The following PRKCA variants were observed in gnomAD, a reference collection of about 807,000 sequenced individuals.
PRKCA encodes the protein protein kinase C alpha type.
PRKCA carries 27 observed loss-of-function variants against 87.0 expected under a neutral mutation model. The observed-to-expected ratio is 0.31, with a 90% CI of 0.23 to 0.43. The LOEUF (loss-of-function observed/expected upper bound fraction) is 0.43, where lower values mean the gene tolerates loss of function less well. PRKCA is among the 20% of genes least tolerant of loss of function. The pLI is 1.00. For missense variants in PRKCA, 518 were observed against 852.3 expected, an observed-to-expected ratio of 0.61 and a Z score of 4.88; for synonymous variants, 329 against 311.1, an observed-to-expected ratio of 1.06 and a Z score of -0.61.
chr17:66,312,011 C>T (rs989108049), intron 2 of PRKCA, among the ~76,000 whole-genome samples: 9 of 152,246 alleles, frequency 5.9e-5, no homozygotes, highest in Middle Eastern at 3.4e-3. Flanking sequence ...GATGGAGTCT[C>T]GCTCTTGTCT....
rs144591215 is a variant in PRKCA, at chr17:66,307,413, G to C, written c.205+1286G>C. The stretch of plus-strand genomic sequence containing the variant: ...CTAGGCTTGAACATGACTTTAGGGA[G>C]TTTAAAGATGTAAGGTTCTGGGCCA... On this transcript the variant is annotated intron_variant, in intron 2 of 16. Transcript: ENST00000413366. 8.1e-3 allele frequency among the ~76,000 whole-genome samples: 1,228 copies of C among 152,234 alleles called. 24 individuals are homozygous for C. Among genetic ancestry groups the C allele is most frequent in the African/African-American group, 0.028 (1,157 of 41,540 alleles).
chr17:66,749,833 A>T (rs1190571526), intron 13 of PRKCA, among the ~76,000 whole-genome samples: 1 of 152,106 alleles, frequency 6.6e-6, no homozygotes, highest in Non-Finnish European at 1.5e-5. Flanking sequence ...TTCCAAGGCC[A>T]TCACAGGTGT....
chr17:66,709,301 C>CTTTT lies in PRKCA; in HGVS notation c.918+20278_918+20281dup, dbSNP rs552633887. On this transcript the variant is annotated intron_variant, in intron 8 of 16. Coordinates refer to ENST00000413366, the MANE Select transcript of PRKCA (RefSeq NM_002737.3). ...AGAGAAGTCTCTTTTGAGATGATTT[C>CTTTT]TTTTTTTTTTTTTTTTTTTTTTTTT... Among the ~76,000 whole-genome samples, 375 of 84,900 alleles carry CTTTT rather than the reference C, an allele frequency of 4.4e-3. 44 individuals carry two copies. Among genetic ancestry groups the CTTTT allele is most frequent in the African/African-American group, 0.017 (354 of 20,632 alleles). 55.7% of individuals were successfully genotyped at this position (84,900 alleles called of 152,430 possible).
At chr17:66,781,207 T>C (rs1208419230) in intron 14 of PRKCA, among the ~76,000 whole-genome samples, 1 of 152,212 alleles carries the variant, frequency 6.6e-6, no homozygotes, top group Non-Finnish European at 1.5e-5. Context: ...CCCTCCTGGC[T>C]CAGTAGGATT....
chr17:66,583,527 A>G (rs1241140580), intron 3 of PRKCA, among the ~76,000 whole-genome samples: 1 of 151,938 alleles, frequency 6.6e-6, no homozygotes, highest in Non-Finnish European at 1.5e-5. Flanking sequence ...GAAGAATTAG[A>G]GTGCTGCTCT....
At chr17:66,475,306 A>G (rs1915492454) in intron 2 of PRKCA, among the ~76,000 whole-genome samples, 1 of 152,014 alleles carries the variant, frequency 6.6e-6, no homozygotes, top group Non-Finnish European at 1.5e-5. Flanking sequence ...CTGTTAATGC[A>G]GTCTCTTCTC....
At chr17:66,350,802 G>C (rs1010237047) in intron 2 of PRKCA, among the ~76,000 whole-genome samples, 3 of 152,178 alleles carry the variant, frequency 2.0e-5, no homozygotes, top group East Asian at 1.9e-4. Flanking sequence ...TGGGATTACA[G>C]ACGTGAGGCA....
At chr17:66,755,950 G>C (rs1011141733) in intron 13 of PRKCA, among the ~76,000 whole-genome samples, 1 of 152,184 alleles carries the variant, frequency 6.6e-6, no homozygotes, top group Non-Finnish European at 1.5e-5. Context: ...GGCAGATACA[G>C]ATAATTACAA....
rs530411602 is a variant in PRKCA, at chr17:66,549,007, A to C, written c.288+52724A>C. On this transcript the variant is annotated intron_variant, in intron 3 of 16. Transcript: ENST00000413366. ...TTTTTGGTAGAGATGGGGTTTTGCCATGTTGACAGGCTGGTTTCAAACTCC... is the reference window on the plus strand; with the variant it reads ...TTTTTGGTAGAGATGGGGTTTTGCCCTGTTGACAGGCTGGTTTCAAACTCC... Among the ~76,000 whole-genome samples, 380 of 152,054 alleles carry C rather than the reference A, an allele frequency of 2.5e-3. 1 individual carries two copies. Among genetic ancestry groups the C allele is most frequent in the Non-Finnish European group, 3.1e-3 (213 of 67,984 alleles).
At chr17:66,767,526 T>C (rs929254900) in intron 13 of PRKCA, among the ~76,000 whole-genome samples, 1 of 152,136 alleles carries the variant, frequency 6.6e-6, no homozygotes, top group African/African-American at 2.4e-5. Flanking sequence ...AAAGCTGAGA[T>C]TGTGTGATTC....
intron 5 of PRKCA, among the ~76,000 whole-genome samples, chr17:66,666,763 G>A (rs555816001): frequency 1.4e-4 from 21 of 152,142 alleles, no homozygotes; most frequent in African/African-American, 5.1e-4. Flanking sequence ...GTAGAATTTT[G>A]TATCTTACCT....
intron 3 of PRKCA, among the ~76,000 whole-genome samples, chr17:66,562,504 C>T (rs1231021330): frequency 1.3e-5 from 2 of 151,982 alleles, no homozygotes; most frequent in Non-Finnish European, 2.9e-5. Context: ...TTTCTAGGTT[C>T]CCTGAGTCTT....
intron 3 of PRKCA, among the ~76,000 whole-genome samples, chr17:66,544,413 G>A (rs1567888592): frequency 2.6e-5 from 4 of 152,214 alleles, no homozygotes; most frequent in East Asian, 1.9e-4. Flanking sequence ...CTTAAAGTGC[G>A]TTTTAGAAAT....
intron 14 of PRKCA, among the ~76,000 whole-genome samples, chr17:66,783,608 C>T (rs531753274): frequency 1.3e-5 from 2 of 152,216 alleles, no homozygotes; most frequent in East Asian, 3.8e-4. Context: ...CAGTGCCCTG[C>T]ACAGAATGTT....
chr17:66,785,557 T>G (rs535502179), intron 14 of PRKCA, among the ~76,000 whole-genome samples: 1 of 152,134 alleles, frequency 6.6e-6, no homozygotes, highest in Non-Finnish European at 1.5e-5. Context: ...TTACGGAATT[T>G]CCCATGAACG....
At chr17:66,537,666 T>C (rs778098706) in intron 3 of PRKCA, among the ~76,000 whole-genome samples, 1 of 152,228 alleles carries the variant, frequency 6.6e-6, no homozygotes, top group Non-Finnish European at 1.5e-5. Flanking sequence ...ATCTTTGCAG[T>C]AGAAAAATAC....
intron 3 of PRKCA, among the ~76,000 whole-genome samples, chr17:66,605,597 A>G (rs1478287171): frequency 6.6e-6 from 1 of 152,240 alleles, no homozygotes; most frequent in African/African-American, 2.4e-5. Context: ...TCTTCTAGGT[A>G]TATACCGAAG....
At chr17:66,756,107 C>T (rs143718792) in intron 13 of PRKCA, among the ~76,000 whole-genome samples, 152 of 152,274 alleles carry the variant, frequency 1.0e-3, no homozygotes, top group African/African-American at 2.4e-3. Context: ...CCTCAGGAAG[C>T]GCTGCCGGGT....
intron 3 of PRKCA, among the ~76,000 whole-genome samples, chr17:66,539,741 G>C (rs1032799754): frequency 1.3e-5 from 2 of 152,154 alleles, no homozygotes; most frequent in African/African-American, 4.8e-5. Context: ...ACTTTTAGAT[G>C]AGAGTTTTAC....
Sources: allele counts gnomAD v4.1 joint callset (sites outside exome capture counted in the v4.1 genomes callset), GRCh38; gene constraint gnomAD v4.1.1; transcripts MANE v1.5; gene names NCBI Gene and HGNC (gene_info 2026-07-23, HGNC 2026-07-21).